The following CLIC3 variants were observed in gnomAD, a reference collection of about 807,000 sequenced individuals.
CLIC3 encodes CLIC family member 3.
Under a neutral mutation model 19.9 loss-of-function variants are expected in CLIC3, and 29 were observed. That is an observed-to-expected ratio of 1.46 (90% CI 1.09 to 1.99). The LOEUF (loss-of-function observed/expected upper bound fraction) is 1.99. Ranked by LOEUF, CLIC3 falls within the 30% of genes most tolerant of loss-of-function variation. The pLI is 0.00. For missense variants in CLIC3, 365 were observed against 342.6 expected (o/e 1.07, Z -0.52); for synonymous variants, 143 against 156.4 (o/e 0.91, Z 0.64).
chr9:136,996,528 G>A lies in CLIC3; in HGVS notation c.16C>T (p.Leu6Phe). The A allele has an allele frequency of 6.4e-7, 1 of 1,555,228 alleles. No homozygotes were observed. The highest frequency in any genetic ancestry group is 8.7e-7 in the Non-Finnish European group (1 of 1,148,864). Reference sequence around the variant, plus strand: ...CCCTGCACCTTGACAAACAGCTGGAGCTTGGTCTCCGCCATGGTGGGAGCT... The same window carrying A: ...CCCTGCACCTTGACAAACAGCTGGAACTTGGTCTCCGCCATGGTGGGAGCT... Reference protein sequence around the residue: MAETKLQLFVKASEDG... With the variant: MAETKFQLFVKASEDG... The change falls in exon 1 of 6, where the codon CTC (leucine) becomes TTC (phenylalanine). Residue 6 changes from leucine to phenylalanine, a missense_variant. By Grantham distance (22) the Leu-to-Phe change is conservative. Transcript: ENST00000494426.
At chr9:136,996,192 C>T (rs183888277) in intron 1 of CLIC3, among the ~76,000 whole-genome samples, 4 of 152,198 alleles carry the variant, frequency 2.6e-5, no homozygotes, top group Non-Finnish European at 5.9e-5. Flanking sequence ...CAGCACCCCC[C>T]ATCCTGGAAC....
rs1440301740 is a variant in CLIC3, at chr9:136,996,518, A to C, written c.26T>G (p.Phe9Cys). 2.6e-6 allele frequency: 4 copies of C among 1,555,472 alleles called. No individual in the cohort carries two copies. The African/African-American group carries it at 5.4e-5, about 21-fold the overall frequency. MAETKLQL[F>C]VKASEDGESV... ...GCTGAGTCCGCCCTGCACCTTGACA[A>C]ACAGCTGGAGCTTGGTCTCCGCCAT... Residue 9 changes from phenylalanine to cysteine, a missense_variant, in exon 1 of 6, where the codon TTT becomes TGT. By Grantham distance (205) the Phe-to-Cys change is radical. Coordinates refer to ENST00000494426, the MANE Select transcript of CLIC3 (RefSeq NM_004669.3).
In CLIC3 at chr9:136,994,784, C is replaced by G; in HGVS notation, c.608G>C (p.Arg203Pro). Residue 203 changes from arginine to proline, a missense_variant, in exon 6 of 6, where the codon CGC becomes CCC. Arg to Pro is a moderately radical substitution (Grantham distance 103). Transcript: ENST00000494426. ...APIPAELRGV[R>P]RYLDSAMQEK... ...CTGCATCGCGCTGTCCAGGTAGCGG[C>G]GTACGCCGCGCAGCTCCGCGGGGAT... 1 of 1,595,442 alleles carries G rather than the reference C, an allele frequency of 6.3e-7. No individual in the cohort carries two copies. The highest frequency in any genetic ancestry group is 8.5e-7 in the Non-Finnish European group (1 of 1,171,772).
At chr9:136,995,144 C>T in intron 4 of CLIC3, 39 bp from the exon 5 acceptor site, 2 of 1,588,510 alleles carry the variant, frequency 1.3e-6, no homozygotes, top group South Asian at 2.3e-5. Context: ...AGGCCCAGGG[C>T]GCCCTCCCGC....
At position 136,995,281 on chromosome 9, in the gene CLIC3, A is replaced by G; in HGVS notation, c.281T>C (p.Leu94Pro). ...GTTGGACTCCCTGTAACGAGGCGCC[A>G]GGCTGGGGAAGCTGCGGGATGAGGG... The part of the protein sequence containing the change: ...ETLGPPDFPS[L>P]APRYRESNTA... The change falls in exon 4 of 6, where the codon CTG becomes CCG. Residue 94 changes from leucine to proline, a missense_variant. Physicochemically the swap from Leu to Pro is moderately conservative, Grantham distance 98 (BLOSUM62 -3). Coordinates refer to ENST00000494426, the MANE Select transcript of CLIC3 (RefSeq NM_004669.3). 6.2e-7 allele frequency: 1 copy of G among 1,612,532 alleles called. No homozygotes were observed. Among genetic ancestry groups the G allele is most frequent in the Middle Eastern group, 1.7e-4 (1 of 6,060 alleles).
chr9:136,994,826 T>C lies in CLIC3; in HGVS notation c.566A>G (p.His189Arg). ...KLHIVDTVCA[H>R]FRQAPIPAEL... is the part of the protein sequence containing the mutation. ...CGCGGGGATGGGCGCCTGGCGGAAG[T>C]GCGCGCACACCGTCTGCGGGCAGGA... The change falls in exon 6 of 6, where the codon CAC becomes CGC. Residue 189 changes from histidine to arginine, a missense_variant. Physicochemically the swap from His to Arg is conservative, Grantham distance 29. Transcript: ENST00000494426. 1 of 1,572,720 alleles carries C rather than the reference T, an allele frequency of 6.4e-7. No individual in the cohort carries two copies. Among genetic ancestry groups the C allele is most frequent in the Non-Finnish European group, 8.6e-7 (1 of 1,160,804 alleles).
chr9:136,995,152 C>T (rs1316071261), intron 4 of CLIC3, 34 bp downstream of exon 4: 2 of 1,595,352 alleles, frequency 1.3e-6, no homozygotes, highest in African/African-American at 1.3e-5. Flanking sequence ...GGCGCCCTCC[C>T]GCCTGGGCAC....
At position 136,995,770 on chromosome 9, in the gene CLIC3, A is replaced by G; in HGVS notation, c.34-13T>C. 2.3e-6 allele frequency: 3 copies of G among 1,282,202 alleles called. No individual in the cohort carries two copies. The highest frequency in any genetic ancestry group is 3.3e-6 in the Non-Finnish European group (3 of 916,132). The allele number at this position is 1,282,202 out of a possible 1,614,324, so 79.4% of individuals were successfully genotyped here. ...CGTCCTCACTCGCCTGGGTGGGTGG[A>G]GCGGGGGTGGGGGGTCAGGGCTGGA... On this transcript the variant is annotated splice_polypyrimidine_tract_variant and intron_variant, in intron 1 of 5. Coordinates refer to ENST00000494426, the MANE Select transcript of CLIC3 (RefSeq NM_004669.3).
rs781245274 is a variant in CLIC3, at chr9:136,995,445, G to A, written c.266C>T (p.Pro89Leu). ...EDFLEETLGP[P>L]DFPSLAPRYR... ...CCCACCCTGCCGGGGCTCTCACTCG[G>A]GCGGCCCCAGCGTCTCCTCCAGAAA... The change falls in exon 3 of 6, where the codon CCC (proline) becomes CTC (leucine). Residue 89 changes from proline to leucine, a missense_variant. Physicochemically the swap from Pro to Leu is moderately conservative, Grantham distance 98. Coordinates refer to ENST00000494426, the MANE Select transcript of CLIC3 (RefSeq NM_004669.3). 3.1e-6 allele frequency: 5 copies of A among 1,612,200 alleles called. No individual in the cohort carries two copies. In the South Asian group the frequency reaches 4.4e-5, roughly 14 times the overall value.
At position 136,994,752 on chromosome 9, in the gene CLIC3, C is replaced by G. The variant is rs1327976752; in HGVS notation, c.640G>C (p.Glu214Gln). 6.2e-7 allele frequency: 1 copy of G among 1,607,322 alleles called. No homozygotes were observed. Among genetic ancestry groups the G allele is most frequent in the Non-Finnish European group, 8.5e-7 (1 of 1,177,628 alleles). Residue 214 changes from glutamate to glutamine, a missense_variant, in exon 6 of 6, where the codon GAG becomes CAG. By Grantham distance (29) the Glu-to-Gln change is conservative. Coordinates refer to ENST00000494426, the MANE Select transcript of CLIC3 (RefSeq NM_004669.3). ...CTGTGCGGACACGTGTATTTGAACT[C>G]TTTCTCCTGCATCGCGCTGTCCAGG... Reference protein sequence around the residue: ...RYLDSAMQEKEFKYTCPHSAE... With the variant: ...RYLDSAMQEKQFKYTCPHSAE...
rs1307249611 is a variant in CLIC3, at chr9:136,994,846, G to A, written c.553-7C>T. On this transcript the variant is annotated splice_polypyrimidine_tract_variant and splice_region_variant and intron_variant, in intron 5 of 5. Coordinates refer to ENST00000494426, the MANE Select transcript of CLIC3 (RefSeq NM_004669.3). Reference sequence around the variant, plus strand: ...GGAAGTGCGCGCACACCGTCTGCGGGCAGGATCGCGGGGCGCGGTCAGGAC... The same window carrying A: ...GGAAGTGCGCGCACACCGTCTGCGGACAGGATCGCGGGGCGCGGTCAGGAC... 3.2e-6 allele frequency: 5 copies of A among 1,543,198 alleles called. No individual in the cohort carries two copies. The highest frequency in any genetic ancestry group is 3.9e-5 in the Admixed American group (2 of 51,336).
intron 1 of CLIC3, 55 bp downstream of exon 1, chr9:136,996,456 C>T: frequency 5.3e-6 from 8 of 1,500,178 alleles, no homozygotes; most frequent in Non-Finnish European, 9.1e-7. Flanking sequence ...GAAAGCAAAG[C>T]CCAGAAAAGC....
Position 136,994,930 on chromosome 9 carries a change from G to A in CLIC3, c.552C>T (p.Asp184=), listed in dbSNP as rs1271590825. The A allele has an allele frequency of 4.3e-6, 4 of 924,290 alleles. No individual in the cohort carries two copies. The highest frequency in any genetic ancestry group is 5.9e-6 in the Non-Finnish European group (4 of 674,272). 57.3% of individuals were successfully genotyped at this position (924,290 alleles called of 1,614,324 possible). The part of the protein sequence containing the change: ...CSLLPKLHIV[D]TVCAHFRQAP... ...CCGCCCGCCCACCTTCCGTGCTCAC[G>A]TCGACGATGTGCAGCTTGGGCAGGA... The change falls in exon 5 of 6, where the codon GAC becomes GAT. Residue 184 remains aspartate, a splice_region_variant and synonymous_variant. Coordinates refer to ENST00000494426, the MANE Select transcript of CLIC3 (RefSeq NM_004669.3).
Position 136,995,565 on chromosome 9 carries a change from G to A in CLIC3, c.146C>T (p.Ser49Phe), listed in dbSNP as rs1588497326. ...FTLTTVDTRR[S>F]PDVLKDFAPG... ...GGCGAAGTCCTTCAGCACGTCCGGG[G>A]ACCTGCGGGCAGCAGCGGGGTGGGA... Residue 49 changes from serine (S) to phenylalanine (F), a missense_variant and splice_region_variant, in exon 3 of 6, where the codon TCC (serine) becomes TTC (phenylalanine). By Grantham distance (155) the Ser-to-Phe change is radical. Transcript: ENST00000494426. 6.2e-7 allele frequency: 1 copy of A among 1,611,978 alleles called. No individual in the cohort carries two copies. The highest frequency in any genetic ancestry group is 8.5e-7 in the Non-Finnish European group (1 of 1,179,498).
intron 1 of CLIC3, 21 bp from the exon 2 acceptor site, chr9:136,995,778 T>TGGGGGGGGGGG: frequency 7.5e-7 from 1 of 1,326,294 alleles, no homozygotes; most frequent in Non-Finnish European, 1.0e-6. Flanking sequence ...GGAGCGGGGG[T>TGGGGGGGGGGG]GGGGGGTCAG....
rs749498652 is a variant in CLIC3, at chr9:136,995,265, C to A, written c.297G>T (p.Arg99Ser). The A allele has an allele frequency of 3.0e-5, 49 of 1,612,588 alleles. No individual in the cohort carries two copies. The East Asian group carries it at 1.0e-3, about 34-fold the overall frequency. Residue 99 changes from arginine to serine, a missense_variant, in exon 4 of 6, where the codon AGG becomes AGT. Arg to Ser is a moderately radical substitution (Grantham distance 110). Transcript: ENST00000494426. ...PDFPSLAPRY[R>S]ESNTAGNDVF... ...CGTCGTTGCCGGCGGTGTTGGACTC[C>A]CTGTAACGAGGCGCCAGGCTGGGGA... is the stretch of plus-strand genomic sequence containing the variant.
At position 136,995,678 on chromosome 9, in the gene CLIC3, G is replaced by A. The variant is rs2292923; in HGVS notation, c.113C>T (p.Pro38Leu). ...CGTGTCCACCGTGGTGAGGGTGAAA[G>A]GTACGCCCTTGAGGAGCAGGACCAT... ...LFMVLLLKGV[P>L]FTLTTVDTRR... Residue 38 changes from proline (P) to leucine (L), a missense_variant, in exon 2 of 6, where the codon CCT (proline) becomes CTT (leucine). Pro to Leu is a moderately conservative substitution (Grantham distance 98, BLOSUM62 -3). Transcript: ENST00000494426. The A allele has an allele frequency of 6.2e-7, 1 of 1,610,140 alleles. No individual in the cohort carries two copies. Among genetic ancestry groups the A allele is most frequent in the South Asian group, 1.1e-5 (1 of 90,722 alleles).
Position 136,995,486 on chromosome 9 carries a change from C to T in CLIC3, c.225G>A (p.Thr75=). 3 of 1,612,626 alleles carry T rather than the reference C, an allele frequency of 1.9e-6. No individual in the cohort carries two copies. Among genetic ancestry groups the T allele is most frequent in the Non-Finnish European group, 2.5e-6 (3 of 1,179,902 alleles). ...LLYDSDAKTD[T]LQIEDFLEET... is the part of the protein sequence containing the mutation. ...CCTCCAGAAAGTCCTCGATCTGCAG[C>T]GTGTCTGTCTTGGCGTCGCTGTCAT... The change falls in exon 3 of 6, where the codon ACG becomes ACA. Residue 75 remains threonine, a synonymous_variant. Transcript: ENST00000494426.
At position 136,995,581 on chromosome 9, in the gene CLIC3, C is replaced by T. The variant is rs752705232; in HGVS notation, c.144-14G>A. ...ACGTCCGGGGACCTGCGGGCAGCAG[C>T]GGGGTGGGAGGAGGCCGGCCCACCA... On this transcript the variant is annotated splice_polypyrimidine_tract_variant and intron_variant, in intron 2 of 5. Coordinates refer to ENST00000494426, the MANE Select transcript of CLIC3 (RefSeq NM_004669.3). 1.9e-6 allele frequency: 3 copies of T among 1,611,106 alleles called. No individual in the cohort carries two copies. The highest frequency in any genetic ancestry group is 1.1e-5 in the South Asian group (1 of 90,978).
Sources: gnomAD v4.1 joint callset for allele counts (sites outside exome capture counted in the v4.1 genomes callset) on GRCh38, gnomAD v4.1.1 for gene constraint, MANE v1.5 for transcripts, NCBI Gene and HGNC (gene_info 2026-07-23, HGNC 2026-07-21) for gene names.